The following EPS15 variants were observed in gnomAD, a reference collection of about 807,000 sequenced individuals.
EPS15 encodes the protein epidermal growth factor receptor substrate 15.
EPS15 carries 72 observed loss-of-function variants against 113.8 expected under a neutral mutation model. The observed-to-expected ratio is 0.63, with a 90% CI of 0.52 to 0.77. The LOEUF is 0.77. Among genes scored for constraint, EPS15 ranks in the 30% least tolerant of loss-of-function variants. The pLI, the probability that EPS15 is intolerant of heterozygous loss-of-function variation, is 0.00. For synonymous variants in EPS15, 344 were observed against 363.4 expected (o/e 0.95, Z 0.61); for missense variants, 1,048 against 1,045.8 (o/e 1.00, Z -0.03).
chr1:51,446,410 C>G (rs1251801836), intron 10 of EPS15, among the ~76,000 whole-genome samples: 1 of 150,264 alleles, frequency 6.7e-6, no homozygotes, highest in African/African-American at 2.4e-5. Flanking sequence ...TAAACAGAAG[C>G]TGGATTTTAA....
chr1:51,444,152 A>G (rs1218225756), intron 11 of EPS15, among the ~76,000 whole-genome samples: 1 of 152,220 alleles, frequency 6.6e-6, no homozygotes, highest in African/African-American at 2.4e-5. Flanking sequence ...TTAAAAATAC[A>G]AAGTATTTAT....
intron 1 of EPS15, among the ~76,000 whole-genome samples, chr1:51,482,606 C>A (rs1570400504): frequency 6.6e-6 from 1 of 152,166 alleles, no homozygotes; most frequent in Middle Eastern, 3.4e-3. Context: ...AGCAGCATTA[C>A]AGGCGTGCAC....
At chr1:51,502,715 C>T (rs1371987817) in intron 1 of EPS15, among the ~76,000 whole-genome samples, 3 of 152,038 alleles carry the variant, frequency 2.0e-5, no homozygotes, top group African/African-American at 7.3e-5. Context: ...ATTAAGAAAT[C>T]AATTCCAGGC....
chr1:51,400,712 C>CAAAAAAAAAAAAAAAAAAAAAA (rs375748381), intron 19 of EPS15, among the ~76,000 whole-genome samples: 14 of 60,160 alleles, frequency 2.3e-4, no homozygotes, highest in South Asian at 6.3e-4. Context: ...CAAAAAACAC[C>CAAAAAAAAAAAAAAAAAAAAAA]AAAAAAAAAA....
At chr1:51,383,021 T>C (rs1323570116) in intron 21 of EPS15, among the ~76,000 whole-genome samples, 1 of 152,242 alleles carries the variant, frequency 6.6e-6, no homozygotes, top group East Asian at 1.9e-4. Flanking sequence ...TTAAAGGGAT[T>C]ATACACCATG....
chr1:51,439,824 A>C (rs568703349), intron 12 of EPS15, among the ~76,000 whole-genome samples: 5 of 152,208 alleles, frequency 3.3e-5, no homozygotes, highest in Middle Eastern at 3.4e-3. Flanking sequence ...TAAAACAGAA[A>C]CACCACCACC....
At chr1:51,489,511 T>A (rs1405944126) in intron 1 of EPS15, among the ~76,000 whole-genome samples, 1 of 151,906 alleles carries the variant, frequency 6.6e-6, no homozygotes, top group Non-Finnish European at 1.5e-5. Context: ...AGAGACAGGG[T>A]TTCACCATGT....
chr1:51,480,807 C>T (rs979437351), intron 2 of EPS15, among the ~76,000 whole-genome samples: 2 of 152,088 alleles, frequency 1.3e-5, no homozygotes, highest in Non-Finnish European at 2.9e-5. Flanking sequence ...CCACCACACC[C>T]GGCCATATTC....
In EPS15 at chr1:51,505,349, A is replaced by C. The variant is rs11205851; in HGVS notation, c.33+13850T>G. The stretch of plus-strand genomic sequence containing the variant: ...CCATACGATGGAATATTTTTCAACC[A>C]AAAAAAGGAATGAATTACTGATACT... On this transcript the variant is annotated intron_variant, in intron 1 of 24. Coordinates refer to ENST00000371733, the MANE Select transcript of EPS15 (RefSeq NM_001981.3). 7.9e-3 allele frequency among the ~76,000 whole-genome samples: 1,198 copies of C among 152,328 alleles called. 19 individuals carry two copies. Among genetic ancestry groups the C allele is most frequent in the African/African-American group, 0.028 (1,160 of 41,566 alleles).
intron 2 of EPS15, among the ~76,000 whole-genome samples, 160 bp downstream of exon 2, chr1:51,481,113 G>A (rs56257993): frequency 0.053 from 8,066 of 152,202 alleles, 693 homozygotes; most frequent in African/African-American, 0.18. Context: ...CTCTGGGATT[G>A]TCAAATGCAT....
chr1:51,509,275 T>C (rs974618094), intron 1 of EPS15, among the ~76,000 whole-genome samples: 3 of 148,974 alleles, frequency 2.0e-5, no homozygotes, highest in Non-Finnish European at 4.4e-5. Context: ...CATAATGCTA[T>C]ATCTATGTTG....
chr1:51,487,677 C>CA (rs1473761519), intron 1 of EPS15, among the ~76,000 whole-genome samples: 1 of 152,134 alleles, frequency 6.6e-6, no homozygotes, highest in Non-Finnish European at 1.5e-5. Flanking sequence ...TCCTGATCTC[C>CA]AACCTGTGCC....
In EPS15 at chr1:51,489,286, C is replaced by CATATATATATAT. The variant is rs71063034; in HGVS notation, c.34-7984_34-7973dup. Among the ~76,000 whole-genome samples the CATATATATATAT allele has an allele frequency of 6.6e-3, 930 of 141,656 alleles. 11 individuals carry two copies. Among genetic ancestry groups the CATATATATATAT allele is most frequent in the African/African-American group, 0.023 (852 of 37,778 alleles). The allele number at this position is 141,656 out of a possible 152,430, so 92.9% of individuals were successfully genotyped here. A position where few individuals can be genotyped will look rare whatever the true frequency, so the allele number is the denominator to read the frequency against. On this transcript the variant is annotated intron_variant, in intron 1 of 24. Transcript: ENST00000371733. ...TTTTACAAAGTATAGCCTAGTATAC[C>CATATATATATAT]ATATATATATATATATATATGTATG...
intron 18 of EPS15, chr1:51,401,169 C>T: frequency 2.6e-6 from 1 of 390,934 alleles, no homozygotes; most frequent in East Asian, 4.2e-5. Flanking sequence ...GAGGGGAAGA[C>T]ATTACAGCAA....
At chr1:51,374,462 G>A (rs1373392424) in intron 21 of EPS15, among the ~76,000 whole-genome samples, 1 of 152,022 alleles carries the variant, frequency 6.6e-6, no homozygotes, top group Admixed American at 6.6e-5. Flanking sequence ...AAATTAGCCG[G>A]GCGTGGTGGC....
intron 21 of EPS15, among the ~76,000 whole-genome samples, chr1:51,374,122 T>A (rs1199304173): frequency 6.6e-6 from 1 of 152,218 alleles, no homozygotes; most frequent in African/African-American, 2.4e-5. Flanking sequence ...GGTATTTTAC[T>A]CCTGCTGGAG....
At chr1:51,401,118 C>T (rs527585539) in intron 18 of EPS15, 165 bp from the exon 19 acceptor site, 2 of 498,814 alleles carry the variant, frequency 4.0e-6, no homozygotes, top group East Asian at 6.9e-5. Flanking sequence ...AAATATACAG[C>T]CAACTATACT....
intron 21 of EPS15, among the ~76,000 whole-genome samples, chr1:51,376,457 A>G (rs541190656): frequency 6.6e-6 from 1 of 152,310 alleles, no homozygotes; most frequent in East Asian, 1.9e-4. Flanking sequence ...TGAGGTCAGG[A>G]GTTCGAGACC....
In EPS15 at chr1:51,440,203, T is replaced by C. The variant is rs759445167; in HGVS notation, c.1040+144A>G. Reference sequence around the variant, plus strand: ...CTGTGGTACTTAACCAAATATTAGGTAGCATTTATCAAAATATACATTAGA... The same window carrying C: ...CTGTGGTACTTAACCAAATATTAGGCAGCATTTATCAAAATATACATTAGA... On this transcript the variant is annotated intron_variant, in intron 12 of 24. Coordinates refer to ENST00000371733, the MANE Select transcript of EPS15 (RefSeq NM_001981.3). 1.8e-3 allele frequency: 722 copies of C among 404,822 alleles called. 3 individuals carry two copies. Among genetic ancestry groups the C allele is most frequent in the Non-Finnish European group, 2.6e-3 (591 of 226,848 alleles). The allele number at this position is 404,822 out of a possible 1,614,324, so 25.1% of individuals were successfully genotyped here. A position where few individuals can be genotyped will look rare whatever the true frequency, so the allele number is the denominator to read the frequency against.
Sources: allele counts gnomAD v4.1 joint callset (sites outside exome capture counted in the v4.1 genomes callset), GRCh38; gene constraint gnomAD v4.1.1; transcripts MANE v1.5; gene names NCBI Gene and HGNC (gene_info 2026-07-23, HGNC 2026-07-21).